Variants in ARHGAP15 observed in about 807,000 individuals in gnomAD.
ARHGAP15 encodes the protein Rho GTPase activating protein 15.
In ARHGAP15, 51 loss-of-function variants were observed where a neutral mutation model predicts 63.7. That is an observed-to-expected ratio of 0.80 (90% CI 0.64 to 1.01). The LOEUF (loss-of-function observed/expected upper bound fraction) is 1.01. Among genes scored for constraint, ARHGAP15 ranks in the 50% least tolerant of loss-of-function variants. ARHGAP15 has a pLI of 0.00. For missense variants in ARHGAP15, 560 were observed against 564.6 expected, an observed-to-expected ratio of 0.99 and a Z score of 0.08; for synonymous variants, 191 against 193.8, an observed-to-expected ratio of 0.99 and a Z score of 0.12.
intron 12 of ARHGAP15, among the ~76,000 whole-genome samples, chr2:143,651,185 C>G (rs1417336584): frequency 6.6e-6 from 1 of 151,820 alleles, no homozygotes; most frequent in Non-Finnish European, 1.5e-5. Context: ...TATAGTAATA[C>G]AAAGGTAAAA....
intron 11 of ARHGAP15, among the ~76,000 whole-genome samples, chr2:143,558,927 T>C (rs868374656): frequency 2.0e-5 from 3 of 152,156 alleles, no homozygotes; most frequent in African/African-American, 7.2e-5. Context: ...CAATTCTTTG[T>C]CTTTCACAAT....
At chr2:143,476,859 T>C (rs937142522) in intron 8 of ARHGAP15, among the ~76,000 whole-genome samples, 1 of 152,218 alleles carries the variant, frequency 6.6e-6, no homozygotes, top group Non-Finnish European at 1.5e-5. Flanking sequence ...ATGTGTTACA[T>C]GCGATGAGCT....
intron 2 of ARHGAP15, among the ~76,000 whole-genome samples, chr2:143,163,550 C>T (rs1351385100): frequency 6.6e-6 from 1 of 151,856 alleles, no homozygotes; most frequent in African/African-American, 2.4e-5. Flanking sequence ...AAGATTGCCT[C>T]AAGGTTCTTC....
chr2:143,202,294 C>T (rs62171700), intron 3 of ARHGAP15, 92 bp downstream of exon 3: 155,423 of 1,051,990 alleles, frequency 0.15, 12,588 homozygotes, highest in African/African-American at 0.23. Context: ...GTTATTATCT[C>T]ATTTTTCTGT....
chr2:143,733,349 T>C (rs182993990), intron 13 of ARHGAP15, among the ~76,000 whole-genome samples: 43 of 152,316 alleles, frequency 2.8e-4, no homozygotes, highest in African/African-American at 8.9e-4. Context: ...GGCATGTGTG[T>C]GACCAAATAA....
In ARHGAP15 at chr2:143,738,088, G is replaced by A. The variant is rs543782387; in HGVS notation, c.1245-29901G>A. Among the ~76,000 whole-genome samples, 8 of 150,848 alleles carry A rather than the reference G, an allele frequency of 5.3e-5. No individual in the cohort carries two copies. In the South Asian group the frequency reaches 6.2e-4, roughly 12 times the overall value. On this transcript the variant is annotated intron_variant, in intron 13 of 13. Transcript: ENST00000295095. The stretch of plus-strand genomic sequence containing the variant: ...GAGCACCACAAACCTGAGAAGCATC[G>A]GCAGCATATATATATTTTTTAACTT...
intron 6 of ARHGAP15, among the ~76,000 whole-genome samples, chr2:143,430,290 G>A (rs76469488): frequency 0.011 from 1,596 of 151,916 alleles, 32 homozygotes; most frequent in African/African-American, 0.037. Context: ...TTTTGGAAAG[G>A]CAAATTGAAG....
chr2:143,735,887 G>C (rs148851040), intron 13 of ARHGAP15, among the ~76,000 whole-genome samples: 1 of 152,154 alleles, frequency 6.6e-6, no homozygotes, highest in Admixed American at 6.5e-5. Flanking sequence ...ATTAAGGAGC[G>C]CTGGTGCCTA....
chr2:143,737,563 G>T (rs1685792036), intron 13 of ARHGAP15, among the ~76,000 whole-genome samples: 1 of 152,102 alleles, frequency 6.6e-6, no homozygotes, highest in South Asian at 2.1e-4. Context: ...ATAGAAACAT[G>T]TCTCGCACGT....
chr2:143,283,793 C>T (rs1681970124), intron 6 of ARHGAP15, among the ~76,000 whole-genome samples: 1 of 152,264 alleles, frequency 6.6e-6, no homozygotes, highest in South Asian at 2.1e-4. Context: ...CCAGGTCTGT[C>T]TTGTCTGCCT....
At chr2:143,582,257 A>G (rs1435960413) in intron 11 of ARHGAP15, among the ~76,000 whole-genome samples, 1 of 152,172 alleles carries the variant, frequency 6.6e-6, no homozygotes, top group Non-Finnish European at 1.5e-5. Context: ...ATTTGAGGGT[A>G]GTAGGTTAGA....
At chr2:143,637,104 G>T (rs971938896) in intron 12 of ARHGAP15, among the ~76,000 whole-genome samples, 1 of 151,250 alleles carries the variant, frequency 6.6e-6, no homozygotes, top group African/African-American at 2.4e-5. Flanking sequence ...AAACTTTGTT[G>T]CCCCCCCCAA....
chr2:143,548,498 G>A (rs1695422404), intron 10 of ARHGAP15, among the ~76,000 whole-genome samples: 1 of 151,154 alleles, frequency 6.6e-6, no homozygotes, highest in South Asian at 2.1e-4. Context: ...TAGGTTCTAA[G>A]CCATTTTCTT....
intron 13 of ARHGAP15, among the ~76,000 whole-genome samples, chr2:143,739,644 C>T (rs1446323653): frequency 6.6e-6 from 1 of 152,080 alleles, no homozygotes; most frequent in Non-Finnish European, 1.5e-5. Context: ...TTCCTGCTAC[C>T]CTTGAACCCA....
At chr2:143,195,343 C>T (rs1173224194) in intron 2 of ARHGAP15, among the ~76,000 whole-genome samples, 1 of 152,010 alleles carries the variant, frequency 6.6e-6, no homozygotes, top group African/African-American at 2.4e-5. Context: ...AGGAACAAAA[C>T]AGAAAAATTG....
At chr2:143,297,732 A>G (rs1682706099) in intron 6 of ARHGAP15, among the ~76,000 whole-genome samples, 1 of 152,016 alleles carries the variant, frequency 6.6e-6, no homozygotes, top group African/African-American at 2.4e-5. Flanking sequence ...TGTCTCTCAA[A>G]CCATGGAAAC....
At chr2:143,659,308 G>A (rs1210267501) in intron 12 of ARHGAP15, among the ~76,000 whole-genome samples, 2 of 152,054 alleles carry the variant, frequency 1.3e-5, no homozygotes, top group Admixed American at 6.5e-5. Context: ...GGGGGTGATG[G>A]ACATGTTAAT....
intron 6 of ARHGAP15, among the ~76,000 whole-genome samples, chr2:143,304,436 A>C (rs1187526553): frequency 2.0e-5 from 3 of 152,104 alleles, no homozygotes; most frequent in Admixed American, 6.6e-5. Flanking sequence ...GGGGAACATC[A>C]CACACCAGGG....
At chr2:143,543,731 A>G (rs965411952) in intron 10 of ARHGAP15, among the ~76,000 whole-genome samples, 1 of 152,126 alleles carries the variant, frequency 6.6e-6, no homozygotes, top group Non-Finnish European at 1.5e-5. Flanking sequence ...CTATGTGACA[A>G]AATCCCCCAG....
Sources: gnomAD v4.1 joint callset for allele counts (sites outside exome capture counted in the v4.1 genomes callset) on GRCh38, gnomAD v4.1.1 for gene constraint, MANE v1.5 for transcripts, NCBI Gene and HGNC (gene_info 2026-07-23, HGNC 2026-07-21) for gene names.